Variants in MORC1 observed in about 807,000 individuals in gnomAD.
The protein encoded by MORC1 is MORC family CW-type zinc finger 1, also known as MORC family CW-type zinc finger protein 1.
MORC1 carries 59 observed loss-of-function variants against 134.9 expected under a neutral mutation model. The observed-to-expected ratio is 0.44, with a 90% CI of 0.35 to 0.54. The LOEUF is 0.54. Ranked by LOEUF, MORC1 falls within the 20% of genes least tolerant of loss-of-function variation. The pLI is 0.00. For missense variants in MORC1, 947 were observed against 1,134.5 expected, an observed-to-expected ratio of 0.83 and a Z score of 2.37; for synonymous variants, 395 against 391.7, an observed-to-expected ratio of 1.01 and a Z score of -0.10.
At chr3:109,043,499 T>C (rs35959337) in intron 14 of MORC1, among the ~76,000 whole-genome samples, 8,334 of 152,080 alleles carry the variant, frequency 0.055, 534 homozygotes, top group African/African-American at 0.15. Flanking sequence ...GTGACAGTTG[T>C]ACAGCATTTA....
In MORC1 at chr3:109,069,087, C is replaced by T. The variant is rs970857065; in HGVS notation, c.815+545G>A. Among the ~76,000 whole-genome samples the T allele has an allele frequency of 2.0e-5, 3 of 152,264 alleles. No individual in the cohort carries two copies. The East Asian group carries it at 5.8e-4, about 29-fold the overall frequency. On this transcript the variant is annotated intron_variant, in intron 9 of 27. Transcript: ENST00000232603. ...AGGAGAATCACATGAACCAGGGAGG[C>T]AGAGGTTGCACTGAACCAAGATTGT...
At chr3:109,036,776 G>A (rs1949390119) in intron 14 of MORC1, among the ~76,000 whole-genome samples, 1 of 152,132 alleles carries the variant, frequency 6.6e-6, no homozygotes, top group Non-Finnish European at 1.5e-5. Flanking sequence ...TCTCAGGTCT[G>A]CCCTCTTGTC....
intron 8 of MORC1, among the ~76,000 whole-genome samples, chr3:109,085,567 T>A (rs1401471554): frequency 6.6e-6 from 1 of 151,620 alleles, no homozygotes; most frequent in African/African-American, 2.4e-5. Flanking sequence ...AGATATCATC[T>A]CACCCCAATT....
chr3:109,048,196 A>G (rs1949741011), intron 14 of MORC1, among the ~76,000 whole-genome samples: 1 of 152,184 alleles, frequency 6.6e-6, no homozygotes, highest in African/African-American at 2.4e-5. Context: ...AGAGGGAGAG[A>G]GTGTGAGACA....
chr3:109,049,906 T>C (rs941053267), intron 14 of MORC1, among the ~76,000 whole-genome samples: 1 of 152,216 alleles, frequency 6.6e-6, no homozygotes, highest in Non-Finnish European at 1.5e-5. Context: ...ACGGTAAATA[T>C]ATTTAATACC....
intron 3 of MORC1, among the ~76,000 whole-genome samples, chr3:109,107,998 A>G (rs1159266971): frequency 6.6e-6 from 1 of 152,104 alleles, no homozygotes; most frequent in Non-Finnish European, 1.5e-5. Flanking sequence ...GGAGTTTGAG[A>G]CCAGCCTGGC....
chr3:108,981,655 G>GTATATCC (rs1947726438), intron 23 of MORC1, among the ~76,000 whole-genome samples: 1 of 152,162 alleles, frequency 6.6e-6, no homozygotes, highest in Non-Finnish European at 1.5e-5. Flanking sequence ...ACCTTATAGA[G>GTATATCC]TTGTACTGAG....
intron 8 of MORC1, among the ~76,000 whole-genome samples, chr3:109,069,963 C>G (rs1004263528): frequency 6.6e-6 from 1 of 152,212 alleles, no homozygotes; most frequent in African/African-American, 2.4e-5. Flanking sequence ...AGGCCCAACA[C>G]AAATAACCTA....
intron 4 of MORC1, 73 bp from the exon 5 acceptor site, chr3:109,100,580 C>T (rs571756417): frequency 2.3e-5 from 25 of 1,083,740 alleles, no homozygotes; most frequent in Admixed American, 6.8e-5. Context: ...GCTGTCAGGA[C>T]CTCACATTCC....
At chr3:109,099,792 G>C (rs1176931305) in intron 5 of MORC1, among the ~76,000 whole-genome samples, 1 of 152,150 alleles carries the variant, frequency 6.6e-6, no homozygotes, top group Non-Finnish European at 1.5e-5. Flanking sequence ...AAAACAAAGA[G>C]CTGCAGACAC....
At chr3:109,018,555 G>A (rs1948874582) in intron 17 of MORC1, among the ~76,000 whole-genome samples, 1 of 152,182 alleles carries the variant, frequency 6.6e-6, no homozygotes, top group Non-Finnish European at 1.5e-5. Flanking sequence ...AGAATGTGGA[G>A]AGGGTGGTTG....
chr3:109,008,324 A>G (rs1226736011), intron 17 of MORC1, among the ~76,000 whole-genome samples: 1 of 152,132 alleles, frequency 6.6e-6, no homozygotes, highest in Non-Finnish European at 1.5e-5. Context: ...ATTTGGATAG[A>G]CACTGCTAAA....
intron 20 of MORC1, 147 bp downstream of exon 20, chr3:109,004,670 T>C (rs1307871879): frequency 1.3e-6 from 1 of 763,428 alleles, no homozygotes; most frequent in Non-Finnish European, 2.1e-6. Flanking sequence ...ATCCCAGTTT[T>C]TTCAGAACCT....
intron 20 of MORC1, among the ~76,000 whole-genome samples, chr3:109,002,903 T>G (rs1948442057): frequency 6.6e-6 from 1 of 152,182 alleles, no homozygotes; most frequent in Non-Finnish European, 1.5e-5. Flanking sequence ...ATAGATTACT[T>G]GTCTTTTTAA....
intron 8 of MORC1, among the ~76,000 whole-genome samples, chr3:109,086,871 A>G (rs1950624693): frequency 6.6e-6 from 1 of 152,082 alleles, no homozygotes; most frequent in South Asian, 2.1e-4. Flanking sequence ...TAAAACTTTG[A>G]AAAGTCAAAT....
intron 8 of MORC1, among the ~76,000 whole-genome samples, chr3:109,090,852 A>C (rs1373738357): frequency 2.0e-5 from 3 of 152,056 alleles, no homozygotes; most frequent in Non-Finnish European, 4.4e-5. Flanking sequence ...CAGCTGTACA[A>C]TCCTACCCAG....
chr3:108,980,340 C>A (rs192707027), intron 23 of MORC1, among the ~76,000 whole-genome samples: 88 of 152,226 alleles, frequency 5.8e-4, no homozygotes, highest in Admixed American at 7.2e-4. Flanking sequence ...AGTCCCACTA[C>A]GAAACTCTCT....
intron 8 of MORC1, among the ~76,000 whole-genome samples, chr3:109,093,019 T>C (rs1431600866): frequency 1.3e-5 from 2 of 152,214 alleles, no homozygotes; most frequent in Non-Finnish European, 2.9e-5. Flanking sequence ...TTTAATGATC[T>C]GTAATGAATA....
At chr3:109,039,639 G>A (rs1186873761) in intron 14 of MORC1, among the ~76,000 whole-genome samples, 1 of 152,144 alleles carries the variant, frequency 6.6e-6, no homozygotes, top group Non-Finnish European at 1.5e-5. Context: ...GCCAGTAGTA[G>A]CTACCCATCC....
Sources: gnomAD v4.1 joint callset for allele counts (sites outside exome capture counted in the v4.1 genomes callset) on GRCh38, gnomAD v4.1.1 for gene constraint, MANE v1.5 for transcripts, NCBI Gene and HGNC (gene_info 2026-07-23, HGNC 2026-07-21) for gene names.